Variants in HS6ST3 observed in about 807,000 individuals in gnomAD.
The protein encoded by HS6ST3 is heparan sulfate 6-O-sulfotransferase 3.
In HS6ST3, 12 loss-of-function variants were observed where a neutral mutation model predicts 36.7. The observed-to-expected ratio is 0.33, with a 90% CI of 0.21 to 0.53. HS6ST3 has a LOEUF of 0.53. HS6ST3 is among the 20% of genes least tolerant of loss of function. The pLI is 0.95. For synonymous variants in HS6ST3, 240 were observed against 257.5 expected (o/e 0.93, Z 0.65); for missense variants, 584 against 640.9 (o/e 0.91, Z 0.96).
rs143365114 is a variant in HS6ST3, at chr13:96,306,673, G to T, written c.707+215104G>T. Among the ~76,000 whole-genome samples the T allele has an allele frequency of 7.2e-4, 110 of 152,292 alleles. 2 individuals carry two copies. The highest frequency in any genetic ancestry group is 2.5e-3 in the African/African-American group (105 of 41,574). On this transcript the variant is annotated intron_variant, in intron 1 of 1. Coordinates refer to ENST00000376705, the MANE Select transcript of HS6ST3 (RefSeq NM_153456.4). ...GGGGAAGGGCTCATCTTTTGAGTCA[G>T]TTGCTGTGCTTGTCCTGTGTGCACG... is the stretch of plus-strand genomic sequence containing the variant.
At chr13:96,304,056 T>C (rs1294165506) in intron 1 of HS6ST3, among the ~76,000 whole-genome samples, 1 of 151,736 alleles carries the variant, frequency 6.6e-6, no homozygotes, top group East Asian at 1.9e-4. Context: ...GGCAGGAGAA[T>C]TGCTTGAACC....
At chr13:96,706,882 G>A (rs1875441695) in intron 1 of HS6ST3, among the ~76,000 whole-genome samples, 1 of 152,102 alleles carries the variant, frequency 6.6e-6, no homozygotes, top group African/African-American at 2.4e-5. Flanking sequence ...AGCATGGGGA[G>A]AGGTTGAGAT....
intron 1 of HS6ST3, among the ~76,000 whole-genome samples, chr13:96,145,163 A>T (rs2054051225): frequency 7.0e-6 from 1 of 143,820 alleles, no homozygotes; most frequent in Admixed American, 7.0e-5. Context: ...CTTTGGGTAT[A>T]TACCCAGTAA....
At chr13:96,614,138 A>T (rs1405759778) in intron 1 of HS6ST3, among the ~76,000 whole-genome samples, 1 of 151,734 alleles carries the variant, frequency 6.6e-6, no homozygotes, top group Non-Finnish European at 1.5e-5. Flanking sequence ...CTCTACTAAA[A>T]ATACAAAAAA....
At chr13:96,110,086 A>G (rs2053860926) in intron 1 of HS6ST3, among the ~76,000 whole-genome samples, 1 of 152,100 alleles carries the variant, frequency 6.6e-6, no homozygotes, top group South Asian at 2.1e-4. Flanking sequence ...AGGCTGGGTA[A>G]TTTTAAAGAA....
intron 1 of HS6ST3, among the ~76,000 whole-genome samples, chr13:96,378,960 C>G (rs2055327554): frequency 6.6e-6 from 1 of 152,170 alleles, no homozygotes; most frequent in Non-Finnish European, 1.5e-5. Context: ...TACTCCTGGT[C>G]TCTCCCCTCA....
chr13:96,687,751 A>G (rs1189569376), intron 1 of HS6ST3, among the ~76,000 whole-genome samples: 5 of 151,972 alleles, frequency 3.3e-5, no homozygotes, highest in Non-Finnish European at 5.9e-5. Flanking sequence ...TTAAGGATTG[A>G]GACTCTCCAT....
intron 1 of HS6ST3, among the ~76,000 whole-genome samples, chr13:96,398,654 T>C (rs1297141741): frequency 3.3e-5 from 5 of 152,176 alleles, no homozygotes; most frequent in African/African-American, 1.2e-4. Context: ...ACCTTTCATA[T>C]TGTGGGAACA....
intron 1 of HS6ST3, among the ~76,000 whole-genome samples, chr13:96,387,874 C>G (rs111987003): frequency 0.032 from 4,821 of 152,256 alleles, 130 homozygotes; most frequent in Non-Finnish European, 0.046. Flanking sequence ...CTTTGTGCTT[C>G]AGGGGCCATT....
chr13:96,283,535 C>G (rs1276740056), intron 1 of HS6ST3, among the ~76,000 whole-genome samples: 3 of 152,182 alleles, frequency 2.0e-5, no homozygotes, highest in Non-Finnish European at 2.9e-5. Context: ...TCTACTTCAT[C>G]TCTGTGCACC....
chr13:96,112,578 A>AATATACATATATATAT (rs397773858), intron 1 of HS6ST3, among the ~76,000 whole-genome samples: 3,379 of 81,080 alleles, frequency 0.042, 1,112 homozygotes, highest in Non-Finnish European at 0.056. Context: ...AAAATAAATA[A>AATATACATATATATAT]ATATATATAT....
chr13:96,229,730 CAGAAG>C (rs1448461059), intron 1 of HS6ST3, among the ~76,000 whole-genome samples: 1 of 152,154 alleles, frequency 6.6e-6, no homozygotes, highest in Non-Finnish European at 1.5e-5. Flanking sequence ...ATATAAATAA[CAGAAG>C]AGAACATAAT....
intron 1 of HS6ST3, among the ~76,000 whole-genome samples, chr13:96,265,511 C>T (rs2054687745): frequency 6.6e-6 from 1 of 152,100 alleles, no homozygotes; most frequent in Admixed American, 6.6e-5. Context: ...ATTCATTTAG[C>T]ATCCCTTGTA....
chr13:96,415,968 G>C (rs1425398940), intron 1 of HS6ST3, among the ~76,000 whole-genome samples: 4 of 152,154 alleles, frequency 2.6e-5, no homozygotes, highest in African/African-American at 7.2e-5. Context: ...CAATTTCACA[G>C]AACTGTTTTT....
intron 1 of HS6ST3, among the ~76,000 whole-genome samples, chr13:96,296,401 A>T (rs774746273): frequency 6.6e-6 from 1 of 152,164 alleles, no homozygotes; most frequent in Non-Finnish European, 1.5e-5. Flanking sequence ...GTGAGAGATT[A>T]GACTTTGATT....
At chr13:96,643,518 C>T (rs534863431) in intron 1 of HS6ST3, among the ~76,000 whole-genome samples, 1 of 151,876 alleles carries the variant, frequency 6.6e-6, no homozygotes, top group Non-Finnish European at 1.5e-5. Flanking sequence ...CTGTTATCCA[C>T]TGCTTCAGGT....
At chr13:96,135,503 G>C (rs2053997265) in intron 1 of HS6ST3, among the ~76,000 whole-genome samples, 1 of 152,136 alleles carries the variant, frequency 6.6e-6, no homozygotes, top group Non-Finnish European at 1.5e-5. Context: ...AAATTTGTTT[G>C]CTATTGGCGG....
intron 1 of HS6ST3, among the ~76,000 whole-genome samples, chr13:96,657,149 CA>C (rs2056628775): frequency 6.6e-6 from 1 of 152,016 alleles, no homozygotes; most frequent in Non-Finnish European, 1.5e-5. Flanking sequence ...TCAGCACCAA[CA>C]GAGATGTATT....
At chr13:96,213,133 A>T (rs1040707904) in intron 1 of HS6ST3, among the ~76,000 whole-genome samples, 2 of 152,224 alleles carry the variant, frequency 1.3e-5, no homozygotes, top group Admixed American at 1.3e-4. Context: ...TACAAATCCA[A>T]ATATTGACTT....
Sources: gnomAD v4.1 joint callset for allele counts (sites outside exome capture counted in the v4.1 genomes callset) on GRCh38, gnomAD v4.1.1 for gene constraint, MANE v1.5 for transcripts, NCBI Gene and HGNC (gene_info 2026-07-23, HGNC 2026-07-21) for gene names.